The following LYRM4 variants were observed in gnomAD, a reference collection of about 807,000 sequenced individuals.
LYRM4 encodes the protein LYR motif-containing protein 4.
In LYRM4, 9 loss-of-function variants were observed where a neutral mutation model predicts 11.7. The observed-to-expected ratio is 0.77, with a 90% CI of 0.46 to 1.34. The LOEUF (loss-of-function observed/expected upper bound fraction) is 1.34, where lower values mean the gene tolerates loss of function less well. Ranked by LOEUF, LYRM4 falls within the 40% of genes most tolerant of loss-of-function variation. The probability of loss-of-function intolerance (pLI) is 0.00; values close to 1 mark genes in which losing one functional copy is unlikely to be tolerated. For missense variants in LYRM4, 133 were observed against 112.5 expected (o/e 1.18, Z -0.82); for synonymous variants, 42 against 40.4 (o/e 1.04, Z -0.15).
chr6:5,217,435 T>C (rs1008056759), intron 1 of LYRM4, among the ~76,000 whole-genome samples: 2 of 152,196 alleles, frequency 1.3e-5, no homozygotes, highest in African/African-American at 2.4e-5. Context: ...TCGGACAGGC[T>C]TGGGTTTGTA....
chr6:5,155,549 G>C (rs754752203), intron 2 of LYRM4, among the ~76,000 whole-genome samples: 1 of 152,196 alleles, frequency 6.6e-6, no homozygotes, highest in Non-Finnish European at 1.5e-5. Flanking sequence ...CTGGCTGTGG[G>C]TGTTGGAAAG....
At chr6:5,037,827 C>T in the LYRM4 span, among the ~76,000 whole-genome samples, 1 of 60,458 alleles carries the variant, frequency 1.7e-5, no homozygotes, top group African/African-American at 4.4e-5. Flanking sequence ...GACCCCCCCT[C>T]CCCCCTCCCG....
intron 2 of LYRM4, among the ~76,000 whole-genome samples, chr6:5,111,636 T>G (rs948421019): frequency 6.6e-5 from 10 of 152,214 alleles, no homozygotes; most frequent in Non-Finnish European, 1.3e-4. Context: ...CCGGGATCCA[T>G]CTGGGACGCC....
the LYRM4 span, among the ~76,000 whole-genome samples, chr6:5,084,375 C>A: frequency 6.6e-6 from 1 of 152,170 alleles, no homozygotes; most frequent in African/African-American, 2.4e-5. Context: ...CAGTCCGGCG[C>A]GGGCCACGCC....
At chr6:5,170,170 A>C (rs1759341413) in intron 2 of LYRM4, among the ~76,000 whole-genome samples, 1 of 152,234 alleles carries the variant, frequency 6.6e-6, no homozygotes, top group African/African-American at 2.4e-5. Flanking sequence ...GATCTGAGAA[A>C]GGGGGCAAGG....
At chr6:5,219,718 C>CT (rs1425264978) in intron 1 of LYRM4, among the ~76,000 whole-genome samples, 11 of 141,230 alleles carry the variant, frequency 7.8e-5, no homozygotes, top group Non-Finnish European at 1.7e-4. Flanking sequence ...TTTTTTTTTT[C>CT]TTTTTTCTTT....
the LYRM4 span, chr6:5,053,982 A>G: frequency 1.4e-5 from 3 of 212,264 alleles, no homozygotes; most frequent in Non-Finnish European, 2.4e-5. Context: ...TTCTGAGAGT[A>G]ACACCTGTGC....
intron 2 of LYRM4, among the ~76,000 whole-genome samples, chr6:5,203,612 T>C (rs1325841095): frequency 6.6e-6 from 1 of 152,178 alleles, no homozygotes; most frequent in Non-Finnish European, 1.5e-5. Context: ...TTCAGGTGGA[T>C]ATTCTTTTAT....
At chr6:5,178,222 T>C (rs1331352588) in intron 2 of LYRM4, among the ~76,000 whole-genome samples, 2 of 152,168 alleles carry the variant, frequency 1.3e-5, no homozygotes, top group African/African-American at 4.8e-5. Flanking sequence ...GGTAGATTTT[T>C]TTGGTAACAG....
chr6:5,087,679 A>G, the LYRM4 span: 1 of 152,298 alleles, frequency 6.6e-6, no homozygotes, highest in African/African-American at 2.4e-5. Context: ...TGGTGACTTG[A>G]TGGAAGAGGA....
intron 2 of LYRM4, among the ~76,000 whole-genome samples, chr6:5,180,440 C>T (rs1760002957): frequency 6.6e-6 from 1 of 152,228 alleles, no homozygotes; most frequent in East Asian, 1.9e-4. Context: ...TGGCTCTACA[C>T]AGGCCCTAGC....
intron 2 of LYRM4, among the ~76,000 whole-genome samples, chr6:5,193,309 C>CAA (rs377530249): frequency 4.1e-5 from 6 of 145,892 alleles, no homozygotes; most frequent in African/African-American, 1.5e-4. Context: ...AACCAGAAAA[C>CAA]AAAAAAAAAA....
chr6:5,123,144 G>A (rs913499676), intron 2 of LYRM4, among the ~76,000 whole-genome samples: 4 of 152,186 alleles, frequency 2.6e-5, no homozygotes, highest in Non-Finnish European at 4.4e-5. Context: ...GAAAAACATC[G>A]CCTTGAGCCA....
the LYRM4 span, among the ~76,000 whole-genome samples, chr6:5,045,934 T>C: frequency 6.6e-6 from 1 of 152,182 alleles, no homozygotes. Context: ...CCTGGATAAC[T>C]AAAAGAGCAG....
At chr6:5,050,761 A>G in the LYRM4 span, among the ~76,000 whole-genome samples, 2 of 152,182 alleles carry the variant, frequency 1.3e-5, no homozygotes, top group African/African-American at 4.8e-5. Flanking sequence ...ATATTATAAG[A>G]TTCCAATGTC....
intron 2 of LYRM4, among the ~76,000 whole-genome samples, chr6:5,196,927 G>A (rs1362566998): frequency 2.0e-5 from 3 of 152,210 alleles, no homozygotes; most frequent in Middle Eastern, 3.4e-3. Flanking sequence ...GTGACAACTC[G>A]GCAATTAGGA....
At chr6:5,142,911 C>T (rs1757485545) in intron 2 of LYRM4, among the ~76,000 whole-genome samples, 1 of 152,242 alleles carries the variant, frequency 6.6e-6, no homozygotes, top group East Asian at 1.9e-4. Context: ...CTGCTGGCCT[C>T]ATGCAGATGT....
the LYRM4 span, among the ~76,000 whole-genome samples, chr6:5,098,562 G>A: frequency 6.6e-6 from 1 of 152,254 alleles, no homozygotes; most frequent in Non-Finnish European, 1.5e-5. Context: ...GTACAGGAGT[G>A]TGTACACACG....
the LYRM4 span, among the ~76,000 whole-genome samples, chr6:5,080,275 G>A: frequency 6.6e-6 from 1 of 152,178 alleles, no homozygotes; most frequent in East Asian, 1.9e-4. Context: ...CCCTTTACAT[G>A]CCTTGTTGCC....
Sources: allele counts gnomAD v4.1 joint callset (sites outside exome capture counted in the v4.1 genomes callset), GRCh38; gene constraint gnomAD v4.1.1; transcripts MANE v1.5; gene names NCBI Gene and HGNC (gene_info 2026-07-23, HGNC 2026-07-21).